STRBP: variants seen among roughly 807,000 people sequenced by gnomAD.
The protein encoded by STRBP is spermatid perinuclear RNA binding protein.
In STRBP, 13 loss-of-function variants were observed where a neutral mutation model predicts 80.1. The observed-to-expected ratio is 0.16, with a 90% CI of 0.11 to 0.26. The LOEUF (loss-of-function observed/expected upper bound fraction) is 0.26, where lower values mean the gene tolerates loss of function less well. Among genes scored for constraint, STRBP ranks in the 10% least tolerant of loss-of-function variants. The pLI, the probability that STRBP is intolerant of heterozygous loss-of-function variation, is 1.00. For missense variants in STRBP, 485 were observed against 815.2 expected, an observed-to-expected ratio of 0.59 and a Z score of 4.93; for synonymous variants, 284 against 291.2, an observed-to-expected ratio of 0.98 and a Z score of 0.25.
chr9:123,125,167 T>C lies in STRBP; in HGVS notation c.*430A>G, dbSNP rs1177603885. The C allele has an allele frequency of 8.1e-6, 8 of 987,176 alleles. No homozygotes were observed. The highest frequency in any genetic ancestry group is 9.6e-6 in the Non-Finnish European group (8 of 831,032). 61.2% of individuals were successfully genotyped at this position (987,176 alleles called of 1,614,324 possible). ...ATTAAAGTGCCCTGGGGCAAATACA[T>C]ATCAATCAACTAAGAATCAGTGACT... is the stretch of plus-strand genomic sequence containing the variant. On this transcript the variant is annotated 3_prime_UTR_variant, in exon 19 of 19. Transcript: ENST00000348403.
intron 13 of STRBP, among the ~76,000 whole-genome samples, chr9:123,143,606 C>T (rs2036684340): frequency 6.6e-6 from 1 of 152,166 alleles, no homozygotes; most frequent in Admixed American, 6.5e-5. Flanking sequence ...AACAATTTGG[C>T]AATATATGCC....
At chr9:123,135,887 A>G (rs1005392438) in intron 16 of STRBP, 154 bp downstream of exon 16, 5 of 835,202 alleles carry the variant, frequency 6.0e-6, no homozygotes, top group Admixed American at 5.7e-5. Context: ...AATCAAATTT[A>G]TATTATTCGT....
chr9:123,183,802 G>GA (rs1041904842), intron 3 of STRBP, among the ~76,000 whole-genome samples: 1 of 151,776 alleles, frequency 6.6e-6, no homozygotes, highest in East Asian at 1.9e-4. Flanking sequence ...ATTTCCACAA[G>GA]AAAAAAAACT....
chr9:123,204,602 G>T (rs1316880396), intron 2 of STRBP, among the ~76,000 whole-genome samples: 6 of 152,144 alleles, frequency 3.9e-5, no homozygotes, highest in Non-Finnish European at 8.8e-5. Flanking sequence ...GGAAAAAGGG[G>T]TAATGTGCCA....
chr9:123,156,838 A>G (rs908112848), intron 11 of STRBP, among the ~76,000 whole-genome samples: 1 of 152,086 alleles, frequency 6.6e-6, no homozygotes, highest in African/African-American at 2.4e-5. Context: ...AGTAATTTCC[A>G]TTGTTAGAGG....
At chr9:123,196,353 A>G (rs1337749682) in intron 2 of STRBP, among the ~76,000 whole-genome samples, 1 of 152,224 alleles carries the variant, frequency 6.6e-6, no homozygotes, top group East Asian at 1.9e-4. Flanking sequence ...AAAGGCCACC[A>G]AGGCAAAAAT....
At chr9:123,166,616 T>C (rs1406901747) in intron 6 of STRBP, among the ~76,000 whole-genome samples, 1 of 152,070 alleles carries the variant, frequency 6.6e-6, no homozygotes, top group Non-Finnish European at 1.5e-5. Context: ...TAGCCGGTCA[T>C]GGTGGCATGC....
intron 16 of STRBP, 144 bp from the exon 17 acceptor site, chr9:123,133,112 TATC>T: frequency 1.0e-6 from 1 of 991,866 alleles, no homozygotes. Context: ...ACCTTCAATT[TATC>T]ATCTGAAAAA....
intron 2 of STRBP, among the ~76,000 whole-genome samples, chr9:123,229,727 G>GT (rs2040345924): frequency 6.6e-6 from 1 of 152,174 alleles, no homozygotes; most frequent in African/African-American, 2.4e-5. Context: ...CCTTAGTGAA[G>GT]TAAGTAGCAA....
chr9:123,223,523 A>G (rs982191773), intron 2 of STRBP, among the ~76,000 whole-genome samples: 1 of 152,186 alleles, frequency 6.6e-6, no homozygotes, highest in Non-Finnish European at 1.5e-5. Flanking sequence ...AAAACTCTCC[A>G]GTTAAAGAAA....
chr9:123,144,682 C>T (rs1025082364), intron 13 of STRBP, among the ~76,000 whole-genome samples: 1 of 152,078 alleles, frequency 6.6e-6, no homozygotes, highest in Non-Finnish European at 1.5e-5. Context: ...ATAACAAACA[C>T]ACATTATACA....
intron 1 of STRBP, among the ~76,000 whole-genome samples, chr9:123,245,476 G>A (rs1034296632): frequency 5.3e-5 from 8 of 152,124 alleles, no homozygotes; most frequent in Admixed American, 2.0e-4. Flanking sequence ...TGCAAGCTCC[G>A]CCTCCCCGGT....
chr9:123,128,338 T>C, intron 17 of STRBP, 80 bp from the exon 18 acceptor site: 1 of 1,525,504 alleles, frequency 6.6e-7, no homozygotes, highest in Non-Finnish European at 9.1e-7. Flanking sequence ...CACCACCTGC[T>C]CAGCACCCTG....
chr9:123,202,828 A>T (rs1006281372), intron 2 of STRBP, among the ~76,000 whole-genome samples: 3 of 152,158 alleles, frequency 2.0e-5, no homozygotes, highest in African/African-American at 7.2e-5. Flanking sequence ...ATATACACCT[A>T]CTATCTACCC....
At chr9:123,208,697 T>G (rs1318560716) in intron 2 of STRBP, among the ~76,000 whole-genome samples, 1 of 152,028 alleles carries the variant, frequency 6.6e-6, no homozygotes, top group Admixed American at 6.6e-5. Flanking sequence ...GCCTGGGAGG[T>G]CTCTCAATTG....
At chr9:123,155,522 T>G (rs909550013) in intron 11 of STRBP, among the ~76,000 whole-genome samples, 2 of 151,876 alleles carry the variant, frequency 1.3e-5, no homozygotes, top group Non-Finnish European at 2.9e-5. Flanking sequence ...TCAAGGATCA[T>G]GTAATACAAG....
Position 123,123,023 on chromosome 9 carries a change from G to A in STRBP, c.*2574C>T, listed in dbSNP as rs2035780353. The A allele has an allele frequency of 1.0e-6, 1 of 985,476 alleles. No homozygotes were observed. The highest frequency in any genetic ancestry group is 1.2e-6 in the Non-Finnish European group (1 of 829,938). 61.0% of individuals were successfully genotyped at this position (985,476 alleles called of 1,614,324 possible). On this transcript the variant is annotated 3_prime_UTR_variant, in exon 19 of 19. Coordinates refer to ENST00000348403, the MANE Select transcript of STRBP (RefSeq NM_018387.5). ...TTGCTTTCAAAAAGAGGGTGTCAGA[G>A]TGGAGTGTCTGAAAGCTGGATAGCC...
intron 13 of STRBP, among the ~76,000 whole-genome samples, chr9:123,142,227 A>G (rs1465891306): frequency 6.6e-6 from 1 of 152,148 alleles, no homozygotes; most frequent in Non-Finnish European, 1.5e-5. Context: ...GTTTAGTACC[A>G]TCCCCTTAAT....
chr9:123,207,178 C>A (rs1408130718), intron 2 of STRBP, among the ~76,000 whole-genome samples: 3 of 152,206 alleles, frequency 2.0e-5, no homozygotes, highest in African/African-American at 7.2e-5. Flanking sequence ...GATACCACTT[C>A]TATTTACAGC....
Sources: allele counts gnomAD v4.1 joint callset (sites outside exome capture counted in the v4.1 genomes callset), GRCh38; gene constraint gnomAD v4.1.1; transcripts MANE v1.5; gene names NCBI Gene and HGNC (gene_info 2026-07-23, HGNC 2026-07-21).